The following TRAM2 variants were observed in gnomAD, a reference collection of about 807,000 sequenced individuals.
The protein encoded by TRAM2 is translocation associated membrane protein 2.
TRAM2 carries 12 observed loss-of-function variants against 51.0 expected under a neutral mutation model. The observed-to-expected ratio is 0.24, with a 90% CI of 0.15 to 0.38. The LOEUF is 0.38. TRAM2 is among the 10% of genes least tolerant of loss of function. The pLI is 1.00. For missense variants in TRAM2, 361 were observed against 462.0 expected (o/e 0.78, Z 2.00); for synonymous variants, 175 against 179.4 (o/e 0.98, Z 0.20).
intron 1 of TRAM2, among the ~76,000 whole-genome samples, chr6:52,540,956 T>G (rs1158802976): frequency 6.6e-6 from 1 of 152,254 alleles, no homozygotes; most frequent in Non-Finnish European, 1.5e-5. Context: ...TTTCATTAAA[T>G]TTTTAACTAA....
intron 4 of TRAM2, 69 bp from the exon 5 acceptor site, chr6:52,509,655 TC>T: frequency 6.8e-7 from 1 of 1,477,822 alleles, no homozygotes. Context: ...CTGGGACCGG[TC>T]CAGGGGTCAG....
At chr6:52,542,101 C>T (rs1396039596) in intron 1 of TRAM2, among the ~76,000 whole-genome samples, 1 of 152,140 alleles carries the variant, frequency 6.6e-6, no homozygotes, top group South Asian at 2.1e-4. Flanking sequence ...AACTTCCCTT[C>T]TTCTCCCAGC....
chr6:52,554,204 G>A (rs1253024451), intron 1 of TRAM2, among the ~76,000 whole-genome samples: 1 of 152,168 alleles, frequency 6.6e-6, no homozygotes, highest in Non-Finnish European at 1.5e-5. Flanking sequence ...AAGGGATGCG[G>A]AGGCAGGGCA....
chr6:52,549,633 C>T (rs1044563366), intron 1 of TRAM2, among the ~76,000 whole-genome samples: 1 of 152,152 alleles, frequency 6.6e-6, no homozygotes, highest in Non-Finnish European at 1.5e-5. Context: ...TAATTAGACA[C>T]GGTGATTAGA....
At chr6:52,527,291 T>C (rs1231138369) in intron 2 of TRAM2, among the ~76,000 whole-genome samples, 3 of 150,094 alleles carry the variant, frequency 2.0e-5, no homozygotes, top group South Asian at 2.1e-4. Context: ...GGCAGGAGAA[T>C]AGCTTGAACC....
intron 5 of TRAM2, 130 bp from the exon 6 acceptor site, chr6:52,508,448 T>C: frequency 1.2e-6 from 1 of 856,840 alleles, no homozygotes; most frequent in Non-Finnish European, 1.8e-6. Flanking sequence ...AGCAAGGGAG[T>C]TAGGCCAGTG....
At chr6:52,519,973 G>A (rs1766637546) in intron 2 of TRAM2, among the ~76,000 whole-genome samples, 1 of 152,176 alleles carries the variant, frequency 6.6e-6, no homozygotes, top group Non-Finnish European at 1.5e-5. Flanking sequence ...AAGCAAAATG[G>A]TGGTTACCAA....
intron 4 of TRAM2, among the ~76,000 whole-genome samples, chr6:52,512,576 A>G (rs1166693879): frequency 6.6e-6 from 1 of 151,886 alleles, no homozygotes; most frequent in Non-Finnish European, 1.5e-5. Context: ...CCTGAAACCC[A>G]CCCCAAATCC....
intron 2 of TRAM2, among the ~76,000 whole-genome samples, chr6:52,519,279 C>T (rs1371394335): frequency 2.0e-5 from 3 of 152,178 alleles, no homozygotes; most frequent in East Asian, 1.9e-4. Flanking sequence ...AACTCAACAA[C>T]AAAAACCAAA....
chr6:52,557,192 C>CAAAAAAAAA lies in TRAM2; in HGVS notation c.120+19595_120+19603dup, dbSNP rs371429027. Among the ~76,000 whole-genome samples the CAAAAAAAAA allele has an allele frequency of 1.9e-4, 27 of 140,148 alleles. 5 individuals are homozygous for CAAAAAAAAA. Among genetic ancestry groups the CAAAAAAAAA allele is most frequent in the South Asian group, 2.3e-4 (1 of 4,422 alleles). The allele number at this position is 140,148 out of a possible 152,430, so 91.9% of individuals were successfully genotyped here. A position where few individuals can be genotyped will look rare whatever the true frequency, so the allele number is the denominator to read the frequency against. ...TGGGAGACAAAGCAAAACTCTGTCT[C>CAAAAAAAAA]AAAAAAAAAAGATATGTCTGGTGAG... On this transcript the variant is annotated intron_variant, in intron 1 of 10. Coordinates refer to ENST00000182527, the MANE Select transcript of TRAM2 (RefSeq NM_012288.4).
intron 1 of TRAM2, among the ~76,000 whole-genome samples, chr6:52,547,411 T>C (rs1215292744): frequency 6.6e-6 from 1 of 152,168 alleles, no homozygotes; most frequent in Non-Finnish European, 1.5e-5. Context: ...CCCTGCTGCT[T>C]GTGCAGTTCG....
intron 7 of TRAM2, 108 bp downstream of exon 7, chr6:52,507,445 A>T: frequency 2.7e-6 from 3 of 1,099,368 alleles, no homozygotes; most frequent in Non-Finnish European, 4.1e-6. Context: ...GCATAGTGCT[A>T]GGCACACAGA....
rs1767424659 is a variant in TRAM2 at position 52,557,168 on chromosome 6, G to C, written c.120+19628C>G. On this transcript the variant is annotated intron_variant, in intron 1 of 10. Coordinates refer to ENST00000182527, the MANE Select transcript of TRAM2 (RefSeq NM_012288.4). ...AGATCACACCGTTGCACTCCAGCCT[G>C]GGAGACAAAGCAAAACTCTGTCTCA... 1.3e-5 allele frequency among the ~76,000 whole-genome samples: 2 copies of C among 150,246 alleles called. 1 individual carries two copies. Among genetic ancestry groups the C allele is most frequent in the East Asian group, 3.9e-4 (2 of 5,180 alleles).
At position 52,516,063 on chromosome 6, in the gene TRAM2, T is replaced by C; in HGVS notation, c.354A>G (p.Gly118=). The C allele has an allele frequency of 6.2e-7, 1 of 1,614,162 alleles. No individual in the cohort carries two copies. The highest frequency in any genetic ancestry group is 8.5e-7 in the Non-Finnish European group (1 of 1,180,016). ...KVKHSKFNES[G]QLVVFHFTSV... ...AGGTGAAATGAAAGACGACCAGCTG[T>C]CCAGATTCATTGAACTTGCTGTGTT... Residue 118 remains glycine (G), a synonymous_variant, in exon 4 of 11, where the codon GGA becomes GGG. Coordinates refer to ENST00000182527, the MANE Select transcript of TRAM2 (RefSeq NM_012288.4).
At chr6:52,509,491 TC>T in intron 5 of TRAM2, 36 bp downstream of exon 5, 1 of 1,607,750 alleles carries the variant, frequency 6.2e-7, no homozygotes, top group Non-Finnish European at 8.5e-7. Context: ...GTGGGCCCGG[TC>T]GCTCCTCCCT....
chr6:52,523,282 G>C, intron 2 of TRAM2: 1 of 195,492 alleles, frequency 5.1e-6, no homozygotes, highest in East Asian at 1.2e-4. Flanking sequence ...GATCACCTGG[G>C]GAAAATATTT....
At chr6:52,558,143 G>A (rs755863091) in intron 1 of TRAM2, among the ~76,000 whole-genome samples, 2 of 152,148 alleles carry the variant, frequency 1.3e-5, no homozygotes, top group African/African-American at 2.4e-5. Flanking sequence ...CACAGCTCTC[G>A]CACAAGCAAA....
At position 52,505,682 on chromosome 6, in the gene TRAM2, C is replaced by T; in HGVS notation, c.792G>A (p.Val264=). The T allele has an allele frequency of 1.2e-6, 2 of 1,613,732 alleles. No homozygotes were observed. Among genetic ancestry groups the T allele is most frequent in the Non-Finnish European group, 1.7e-6 (2 of 1,179,734 alleles). ...VTRLFILTLA[V]LAIGFGLARM... is the part of the protein sequence containing the mutation. Reference sequence around the variant, plus strand: ...GAGCCAGTCCAAAGCCAATGGCCAGCACGGCAAGGGTGAGGATGAAGAGGC... The same window carrying T: ...GAGCCAGTCCAAAGCCAATGGCCAGTACGGCAAGGGTGAGGATGAAGAGGC... Residue 264 remains valine (V), a synonymous_variant, in exon 9 of 11, where the codon GTG becomes GTA. Coordinates refer to ENST00000182527, the MANE Select transcript of TRAM2 (RefSeq NM_012288.4).
intron 1 of TRAM2, among the ~76,000 whole-genome samples, chr6:52,542,262 G>C: frequency 6.8e-6 from 1 of 146,756 alleles, no homozygotes; most frequent in African/African-American, 2.5e-5. Flanking sequence ...AGATTTTTGG[G>C]TTTTTTTTTT....
Sources: allele counts gnomAD v4.1 joint callset (sites outside exome capture counted in the v4.1 genomes callset), GRCh38; gene constraint gnomAD v4.1.1; transcripts MANE v1.5; gene names NCBI Gene and HGNC (gene_info 2026-07-23, HGNC 2026-07-21).